Variants in CDC42BPA observed in about 807,000 individuals in gnomAD.
The protein encoded by CDC42BPA is serine/threonine-protein kinase MRCK alpha.
In CDC42BPA, 80 loss-of-function variants were observed where a neutral mutation model predicts 223.5. The ratio of observed to expected loss-of-function variants is 0.36; its 90% CI spans 0.30 to 0.43. The LOEUF is 0.43. CDC42BPA is among the 20% of genes least tolerant of loss of function. The pLI is 1.00. For missense variants in CDC42BPA, 1,743 were observed against 2,099.9 expected (o/e 0.83, Z 3.32); for synonymous variants, 694 against 718.6 (o/e 0.97, Z 0.55).
chr1:227,152,613 A>T (rs1661998242), intron 6 of CDC42BPA, among the ~76,000 whole-genome samples: 1 of 152,220 alleles, frequency 6.6e-6, no homozygotes, highest in African/African-American at 2.4e-5. Context: ...AGAAGGCAAG[A>T]AAGAAGAAAA....
intron 11 of CDC42BPA, among the ~76,000 whole-genome samples, chr1:227,127,555 C>T (rs1361048205): frequency 6.6e-6 from 1 of 152,174 alleles, no homozygotes; most frequent in Non-Finnish European, 1.5e-5. Flanking sequence ...TCTAGCTGGT[C>T]TTCTGTTCTA....
At chr1:227,237,540 G>A (rs1477415131) in intron 2 of CDC42BPA, among the ~76,000 whole-genome samples, 2 of 152,156 alleles carry the variant, frequency 1.3e-5, no homozygotes, top group Non-Finnish European at 2.9e-5. Flanking sequence ...TTTCTTGACT[G>A]CAGCTACACG....
Position 227,136,089 on chromosome 1 carries a change from G to A in CDC42BPA, c.1390+3487C>T, listed in dbSNP as rs1174236143. Among the ~76,000 whole-genome samples the A allele has an allele frequency of 3.3e-5, 5 of 151,984 alleles. No individual in the cohort carries two copies. The East Asian group carries it at 9.6e-4, about 29-fold the overall frequency. On this transcript the variant is annotated intron_variant, in intron 10 of 36. Transcript: ENST00000366766. ...AAAACAGAAAGGCAGGCTCGCAGAAGATTCAGTTGTTGAAAGTAACAGATA... is the reference window on the plus strand; with the variant it reads ...AAAACAGAAAGGCAGGCTCGCAGAAAATTCAGTTGTTGAAAGTAACAGATA...
chr1:227,160,423 G>A, intron 6 of CDC42BPA, 120 bp downstream of exon 6: 1 of 736,046 alleles, frequency 1.4e-6, no homozygotes, highest in Non-Finnish European at 2.4e-6. Flanking sequence ...GTGGCGCATA[G>A]ATAGACAAAT....
chr1:227,048,023 GC>G lies in CDC42BPA; in HGVS notation c.3010-14del. On this transcript the variant is annotated splice_polypyrimidine_tract_variant and intron_variant, in intron 22 of 36. Coordinates refer to ENST00000366766, the MANE Select transcript of CDC42BPA (RefSeq NM_001394014.1). ...TGGAGTCTACAGTCTGAACCCAGGA[GC>G]AAAAAAGGAAATAAATGTCATGAAA... 6.6e-7 allele frequency: 1 copy of G among 1,522,472 alleles called. No homozygotes were observed. Among genetic ancestry groups the G allele is most frequent in the Non-Finnish European group, 9.0e-7 (1 of 1,110,984 alleles). 94.3% of individuals were successfully genotyped at this position (1,522,472 alleles called of 1,614,324 possible).
At chr1:227,288,450 G>C (rs1689148175) in intron 1 of CDC42BPA, among the ~76,000 whole-genome samples, 1 of 151,576 alleles carries the variant, frequency 6.6e-6, no homozygotes, top group Non-Finnish European at 1.5e-5. Flanking sequence ...TGTAAACCTA[G>C]AACTTTGGGA....
At chr1:227,298,999 T>C (rs1691186053) in intron 1 of CDC42BPA, among the ~76,000 whole-genome samples, 1 of 152,166 alleles carries the variant, frequency 6.6e-6, no homozygotes, top group African/African-American at 2.4e-5. Flanking sequence ...GTAGCATAAA[T>C]AGAAATCAAG....
rs748787987 is a variant in CDC42BPA at position 227,220,282 on chromosome 1, T to TTTTATATATATATATATATA, written c.271-7064_271-7063insTATATATATATATATATAAA. Among the ~76,000 whole-genome samples the TTTTATATATATATATATATA allele has an allele frequency of 7.8e-4, 79 of 100,756 alleles. 1 individual carries two copies. Among genetic ancestry groups the TTTTATATATATATATATATA allele is most frequent in the South Asian group, 1.4e-3 (4 of 2,760 alleles). The allele number at this position is 100,756 out of a possible 152,430, so 66.1% of individuals were successfully genotyped here. On this transcript the variant is annotated intron_variant, in intron 2 of 36. Coordinates refer to ENST00000366766, the MANE Select transcript of CDC42BPA (RefSeq NM_001394014.1). ...GTCTCTTTAATGAAAAAAAGTCATG[T>TTTTATATATATATATATATA]TATATATATATATATATATATATAT...
In CDC42BPA at chr1:227,294,592, GGCT is replaced by G. The variant is rs1328373346; in HGVS notation, c.178+22410_178+22412del. ...AAGAGGTTAATTGGCCGGGCGCGGT[GGCT>G]CACGCCTGTAATCCCAGCACTTTGG... On this transcript the variant is annotated intron_variant, in intron 1 of 36. Coordinates refer to ENST00000366766, the MANE Select transcript of CDC42BPA (RefSeq NM_001394014.1). Among the ~76,000 whole-genome samples, 130 of 73,294 alleles carry G rather than the reference GGCT, an allele frequency of 1.8e-3. 21 individuals are homozygous for G. Among genetic ancestry groups the G allele is most frequent in the East Asian group, 1.9e-3 (4 of 2,064 alleles). 48.1% of individuals were successfully genotyped at this position (73,294 alleles called of 152,430 possible).
At chr1:227,039,630 CT>C (rs911665722) in intron 24 of CDC42BPA, among the ~76,000 whole-genome samples, 1 of 152,148 alleles carries the variant, frequency 6.6e-6, no homozygotes, top group Non-Finnish European at 1.5e-5. Context: ...TGCCTTTCCC[CT>C]ATCCACTATT....
intron 12 of CDC42BPA, among the ~76,000 whole-genome samples, chr1:227,119,587 CA>C (rs1688305413): frequency 3.9e-5 from 6 of 151,924 alleles, no homozygotes; most frequent in Admixed American, 3.9e-4. Flanking sequence ...TCTAAAAGAA[CA>C]AAAGATTCTG....
At chr1:227,300,887 A>G (rs1395314886) in intron 1 of CDC42BPA, among the ~76,000 whole-genome samples, 4 of 152,228 alleles carry the variant, frequency 2.6e-5, no homozygotes, top group African/African-American at 4.8e-5. Flanking sequence ...ACATCAGAAG[A>G]GCGGGTAAGC....
At chr1:227,081,147 T>C (rs879133791) in intron 16 of CDC42BPA, 130 bp from the exon 17 acceptor site, 2 of 822,362 alleles carry the variant, frequency 2.4e-6, no homozygotes, top group South Asian at 1.7e-5. Context: ...ATAATCCCTT[T>C]TGCTCACTGA....
intron 2 of CDC42BPA, among the ~76,000 whole-genome samples, chr1:227,217,685 G>C (rs1675109960): frequency 6.6e-6 from 1 of 151,924 alleles, no homozygotes; most frequent in Admixed American, 6.6e-5. Flanking sequence ...ACATGTTCTG[G>C]CCCTCCACCT....
intron 2 of CDC42BPA, among the ~76,000 whole-genome samples, chr1:227,234,091 A>G (rs773587131): frequency 1.2e-4 from 19 of 152,178 alleles, no homozygotes; most frequent in Admixed American, 6.5e-4. Flanking sequence ...GGTGGGTTCC[A>G]GGAACCAGGT....
Position 227,091,898 on chromosome 1 carries a change from ACTCGTCAG to A in CDC42BPA, c.2335_2342del (p.Leu779Ter). On this transcript the variant is annotated frameshift_variant, in exon 16 of 37. Coordinates refer to ENST00000366766, the MANE Select transcript of CDC42BPA (RefSeq NM_001394014.1). LOFTEE classifies it high-confidence loss of function. ...TTAAATCACTCACCTTATCAAGTTC[ACTCGTCAG>A]CTTTTTATTTTCTTCAGTTAACAAC... is the stretch of plus-strand genomic sequence containing the variant. The A allele has an allele frequency of 6.3e-7, 1 of 1,589,588 alleles. No individual in the cohort carries two copies. Among genetic ancestry groups the A allele is most frequent in the Non-Finnish European group, 8.6e-7 (1 of 1,162,266 alleles).
chr1:227,048,056 AT>A, intron 22 of CDC42BPA, 46 bp from the exon 23 acceptor site: 1 of 1,137,578 alleles, frequency 8.8e-7, no homozygotes, highest in South Asian at 1.5e-5. Context: ...GAAACACTCC[AT>A]TAATTTCAAA....
chr1:227,274,978 TA>T (rs1262487482), intron 1 of CDC42BPA, among the ~76,000 whole-genome samples: 1 of 152,176 alleles, frequency 6.6e-6, no homozygotes, highest in Non-Finnish European at 1.5e-5. Context: ...TTAAGCTAGG[TA>T]ATTTTAACAC....
At chr1:227,263,097 G>A (rs1684367479) in intron 1 of CDC42BPA, among the ~76,000 whole-genome samples, 1 of 152,150 alleles carries the variant, frequency 6.6e-6, no homozygotes, top group African/African-American at 2.4e-5. Flanking sequence ...GCCAGGCATG[G>A]TGGCACACGC....
Sources: gnomAD v4.1 joint callset for allele counts (sites outside exome capture counted in the v4.1 genomes callset) on GRCh38, gnomAD v4.1.1 for gene constraint, MANE v1.5 for transcripts, NCBI Gene and HGNC (gene_info 2026-07-23, HGNC 2026-07-21) for gene names.